The following GRIA1 variants were observed in gnomAD, a reference collection of about 807,000 sequenced individuals.
GRIA1 encodes glutamate ionotropic receptor AMPA type subunit 1, also known as glutamate receptor 1.
A neutral mutation model predicts 99.2 loss-of-function variants in GRIA1; 31 were observed. That is an observed-to-expected ratio of 0.31 (90% CI 0.23 to 0.42). The LOEUF is 0.42. Among genes scored for constraint, GRIA1 ranks in the 10% least tolerant of loss-of-function variants. The pLI is 1.00. For missense variants in GRIA1, 782 were observed against 1,157.5 expected (o/e 0.68, Z 4.71); for synonymous variants, 438 against 432.4 (o/e 1.01, Z -0.16).
At chr5:153,783,060 T>C (rs1764740104) in intron 13 of GRIA1, among the ~76,000 whole-genome samples, 1 of 152,188 alleles carries the variant, frequency 6.6e-6, no homozygotes. Flanking sequence ...AGTTTTCTTC[T>C]CTTCCTCAGG....
chr5:153,653,149 T>G (rs1440179447), intron 4 of GRIA1, among the ~76,000 whole-genome samples: 1 of 152,160 alleles, frequency 6.6e-6, no homozygotes, highest in Non-Finnish European at 1.5e-5. Flanking sequence ...TGACACCAAA[T>G]AAAGTATTCA....
chr5:153,516,786 C>A (rs1756668444), intron 2 of GRIA1, among the ~76,000 whole-genome samples: 1 of 152,078 alleles, frequency 6.6e-6, no homozygotes, highest in South Asian at 2.1e-4. Context: ...GCTGATGGAT[C>A]CTCCCTGAAC....
chr5:153,651,144 A>AT, intron 4 of GRIA1, among the ~76,000 whole-genome samples: 1 of 152,162 alleles, frequency 6.6e-6, no homozygotes, highest in African/African-American at 2.4e-5. Flanking sequence ...ATGTTATCAT[A>AT]TTAGGAACAC....
intron 2 of GRIA1, among the ~76,000 whole-genome samples, chr5:153,506,097 T>C (rs968929649): frequency 6.6e-6 from 1 of 152,170 alleles, no homozygotes; most frequent in Non-Finnish European, 1.5e-5. Context: ...GGGCAGATAC[T>C]AGCTTCTCTC....
chr5:153,589,394 A>G (rs1763769553), intron 2 of GRIA1, among the ~76,000 whole-genome samples: 1 of 152,176 alleles, frequency 6.6e-6, no homozygotes, highest in Admixed American at 6.5e-5. Flanking sequence ...TTTCATTTTA[A>G]TTAAGTACAT....
chr5:153,662,692 AC>A (rs1341919037), intron 5 of GRIA1, among the ~76,000 whole-genome samples: 1 of 152,226 alleles, frequency 6.6e-6, no homozygotes, highest in Non-Finnish European at 1.5e-5. Flanking sequence ...GTCTGAATTC[AC>A]CCAGAAGTTA....
intron 2 of GRIA1, among the ~76,000 whole-genome samples, chr5:153,555,159 A>C (rs1873904): frequency 0.47 from 70,399 of 151,228 alleles, 18,090 homozygotes; most frequent in Non-Finnish European, 0.59. Context: ...CACCTTTTTT[A>C]TAGACTTTAG....
At chr5:153,603,665 G>A (rs565757486) in intron 2 of GRIA1, among the ~76,000 whole-genome samples, 4 of 152,340 alleles carry the variant, frequency 2.6e-5, no homozygotes, top group Non-Finnish European at 4.4e-5. Flanking sequence ...CTGGAAAAGT[G>A]TCTGTATATC....
At chr5:153,507,747 CAA>C (rs1248204168) in intron 2 of GRIA1, among the ~76,000 whole-genome samples, 1 of 152,106 alleles carries the variant, frequency 6.6e-6, no homozygotes, top group African/African-American at 2.4e-5. Context: ...CTTCTTGTCT[CAA>C]AAAAATATCA....
intron 11 of GRIA1, among the ~76,000 whole-genome samples, chr5:153,734,515 A>C (rs116076486): frequency 0.012 from 1,815 of 152,322 alleles, 14 homozygotes; most frequent in Middle Eastern, 0.048. Flanking sequence ...TCAGTTCACC[A>C]TATAGTTATG....
At chr5:153,765,949 G>C (rs901913630) in intron 12 of GRIA1, among the ~76,000 whole-genome samples, 1 of 152,222 alleles carries the variant, frequency 6.6e-6, no homozygotes, top group Non-Finnish European at 1.5e-5. Context: ...ACAGCACGCT[G>C]CCATATTGCC....
chr5:153,737,290 T>TA (rs35443126), intron 11 of GRIA1, among the ~76,000 whole-genome samples: 11,028 of 73,892 alleles, frequency 0.15, 767 homozygotes, highest in Middle Eastern at 0.25. Context: ...GCAACCCCGG[T>TA]AAAAAAAAAA....
At chr5:153,559,590 C>T (rs1581229525) in intron 2 of GRIA1, among the ~76,000 whole-genome samples, 1 of 152,280 alleles carries the variant, frequency 6.6e-6, no homozygotes, top group Non-Finnish European at 1.5e-5. Flanking sequence ...CTGTACATGA[C>T]TGTATGTGCT....
intron 11 of GRIA1, among the ~76,000 whole-genome samples, chr5:153,757,528 G>A (rs181915888): frequency 1.3e-5 from 2 of 152,134 alleles, no homozygotes; most frequent in African/African-American, 4.8e-5. Context: ...AGGACAAAGA[G>A]AATTCTAAAA....
Position 153,724,446 on chromosome 5 carries a change from T to C in GRIA1, c.1823+18379T>C, listed in dbSNP as rs1335729173. ...GGAAGGCTTCAGACGATCAAACTAC[T>C]CCGAGCTACAAGAGGAAATTCAAAC... On this transcript the variant is annotated intron_variant, in intron 11 of 15. Coordinates refer to ENST00000285900, the MANE Select transcript of GRIA1 (RefSeq NM_000827.4). Among the ~76,000 whole-genome samples the C allele has an allele frequency of 8.5e-5, 13 of 152,204 alleles. No individual in the cohort carries two copies. The East Asian group carries it at 2.5e-3, about 29-fold the overall frequency.
intron 5 of GRIA1, among the ~76,000 whole-genome samples, chr5:153,660,362 G>T (rs1755275482): frequency 6.6e-6 from 1 of 152,140 alleles, no homozygotes; most frequent in Non-Finnish European, 1.5e-5. Flanking sequence ...TAGCCCTTGA[G>T]GTTGATATTA....
intron 14 of GRIA1, among the ~76,000 whole-genome samples, chr5:153,797,853 TGAAGGCTAGG>T (rs1765745710): frequency 6.6e-6 from 1 of 152,212 alleles, no homozygotes; most frequent in African/African-American, 2.4e-5. Context: ...GGGGAAAATA[TGAAGGCTAGG>T]GAACTGGCCT....
At chr5:153,519,622 C>A (rs1396076588) in intron 2 of GRIA1, among the ~76,000 whole-genome samples, 1 of 152,016 alleles carries the variant, frequency 6.6e-6, no homozygotes, top group Non-Finnish European at 1.5e-5. Context: ...AGGAGTGCAG[C>A]CCCTGTGAAG....
rs1360376496 is a variant in GRIA1, at chr5:153,811,279, C to T, written c.*54C>T. The T allele has an allele frequency of 7.4e-7, 1 of 1,355,414 alleles. No homozygotes were observed. Among genetic ancestry groups the T allele is most frequent in the Non-Finnish European group, 1.1e-6 (1 of 950,344 alleles). 84.0% of individuals were successfully genotyped at this position (1,355,414 alleles called of 1,614,324 possible). On this transcript the variant is annotated 3_prime_UTR_variant, in exon 16 of 16. Coordinates refer to ENST00000285900, the MANE Select transcript of GRIA1 (RefSeq NM_000827.4). The stretch of plus-strand genomic sequence containing the variant: ...CAGGCTCGGGCTCCCCAGCCCCATC[C>T]CAAACCCTTCAGTGCCAAAAACAAC...
Sources: allele counts gnomAD v4.1 joint callset (sites outside exome capture counted in the v4.1 genomes callset), GRCh38; gene constraint gnomAD v4.1.1; transcripts MANE v1.5; gene names NCBI Gene and HGNC (gene_info 2026-07-23, HGNC 2026-07-21).